The following SLC41A1 variants were observed in gnomAD, a reference collection of about 807,000 sequenced individuals.
SLC41A1 encodes solute carrier family 41 member 1, also known as solute carrier family 41 (magnesium transporter), member 1.
Under a neutral mutation model 47.3 loss-of-function variants are expected in SLC41A1, and 20 were observed. The ratio of observed to expected loss-of-function variants is 0.42; its 90% CI spans 0.30 to 0.61. The LOEUF is 0.61. SLC41A1 is among the 20% of genes least tolerant of loss of function. The pLI is 0.17. For missense variants in SLC41A1, 504 were observed against 674.1 expected, an observed-to-expected ratio of 0.75 and a Z score of 2.79; for synonymous variants, 282 against 272.7, an observed-to-expected ratio of 1.03 and a Z score of -0.34.
rs373342658 is a variant in SLC41A1 at position 205,791,520 on chromosome 1, T to G, written c.*13A>C. On this transcript the variant is annotated 3_prime_UTR_variant, in exon 11 of 11. Coordinates refer to ENST00000367137, the MANE Select transcript of SLC41A1 (RefSeq NM_173854.6). This position sits in a 1 kb window ranked among gnomAD's most constrained non-coding sequence, Gnocchi z 4.0. The stretch of plus-strand genomic sequence containing the variant: ...AAAGTGCAGAGGGATGGGGAAAATG[T>G]TGAGTGACCAAGCTAGTCCCCGACA... 3.1e-6 allele frequency: 5 copies of G among 1,613,902 alleles called. No homozygotes were observed. Among genetic ancestry groups the G allele is most frequent in the African/African-American group, 2.7e-5 (2 of 74,878 alleles).
chr1:205,811,892 T>C (rs962489124), intron 1 of SLC41A1, among the ~76,000 whole-genome samples: 7 of 152,232 alleles, frequency 4.6e-5, no homozygotes, highest in Admixed American at 1.3e-4. Flanking sequence ...CATAAAACGA[T>C]TGCTTATTAC....
chr1:205,807,532 C>T (rs1656042217), intron 2 of SLC41A1, among the ~76,000 whole-genome samples: 1 of 152,102 alleles, frequency 6.6e-6, no homozygotes, highest in East Asian at 1.9e-4. Context: ...GGGGTCCCTC[C>T]CTACCCCATC....
rs1002620330 is a variant in SLC41A1, at chr1:205,802,734, T to C, written c.373-1674A>G. Among the ~76,000 whole-genome samples the C allele has an allele frequency of 2.7e-5, 4 of 147,860 alleles. No individual in the cohort carries two copies. In the East Asian group the frequency reaches 8.0e-4, roughly 29 times the overall value. ...ACTCTGTCTCAAAAATAAAATAAAA[T>C]AAAATAAAATAAAATAAAATAAAAT... On this transcript the variant is annotated intron_variant, in intron 2 of 10. Transcript: ENST00000367137.
At chr1:205,800,612 C>G (rs1163423021) in intron 3 of SLC41A1, among the ~76,000 whole-genome samples, 1 of 152,122 alleles carries the variant, frequency 6.6e-6, no homozygotes, top group Admixed American at 6.5e-5. Flanking sequence ...AGGAGGCCCC[C>G]ATCTGTGCGG....
intron 2 of SLC41A1, among the ~76,000 whole-genome samples, chr1:205,802,796 T>C (rs1038096181): frequency 6.9e-6 from 1 of 145,334 alleles, no homozygotes; most frequent in African/African-American, 2.7e-5. Flanking sequence ...AGCAATACTG[T>C]AGATTAGTAA....
At chr1:205,809,598 CCCTCT>C (rs1354910512) in intron 2 of SLC41A1, among the ~76,000 whole-genome samples, 4 of 152,176 alleles carry the variant, frequency 2.6e-5, no homozygotes, top group Non-Finnish European at 5.9e-5. Context: ...TAATTTGAGA[CCCTCT>C]TGGCAGCTGA....
At chr1:205,802,390 C>G (rs2102506598) in intron 2 of SLC41A1, among the ~76,000 whole-genome samples, 1 of 152,252 alleles carries the variant, frequency 6.6e-6, no homozygotes, top group East Asian at 1.9e-4. Flanking sequence ...GATGGTCTTT[C>G]AAGGCAATTC....
intron 1 of SLC41A1, among the ~76,000 whole-genome samples, chr1:205,811,845 T>C (rs1656163729): frequency 6.6e-6 from 1 of 152,182 alleles, no homozygotes; most frequent in African/African-American, 2.4e-5. Flanking sequence ...GCTTGTCAGA[T>C]AGGACAAGGG....
At position 205,791,529 on chromosome 1, in the gene SLC41A1, C is replaced by T; in HGVS notation, c.*4G>A. The T allele has an allele frequency of 1.2e-6, 2 of 1,613,916 alleles. No individual in the cohort carries two copies. Among genetic ancestry groups the T allele is most frequent in the Non-Finnish European group, 1.7e-6 (2 of 1,179,954 alleles). ...AGGGATGGGGAAAATGTTGAGTGACCAAGCTAGTCCCCGACATCCGTGTCT... is the reference window on the plus strand; with the variant it reads ...AGGGATGGGGAAAATGTTGAGTGACTAAGCTAGTCCCCGACATCCGTGTCT... On this transcript the variant is annotated 3_prime_UTR_variant, in exon 11 of 11. Transcript: ENST00000367137. The surrounding 1 kb of genome is among the most constrained non-coding windows in gnomAD (Gnocchi z 4.0).
rs1655864804 is a variant in SLC41A1 at position 205,800,971 on chromosome 1, T to G, written c.462A>C (p.Ala154=). Reference sequence around the variant, plus strand: ...TACTCACTGCAGTGGAAAGCCTTGATGCCAGGGTCATTTCCAGGTTCCCTT... The same window carrying G: ...TACTCACTGCAGTGGAAAGCCTTGAGGCCAGGGTCATTTCCAGGTTCCCTT... ...GLKGNLEMTL[A]SRLSTAANIG... Residue 154 remains alanine, a synonymous_variant, in exon 3 of 11, where the codon GCA becomes GCC. Transcript: ENST00000367137. The G allele has an allele frequency of 1.2e-6, 2 of 1,614,144 alleles. No homozygotes were observed. The highest frequency in any genetic ancestry group is 2.7e-5 in the African/African-American group (2 of 75,040).
At position 205,802,431 on chromosome 1, in the gene SLC41A1, C is replaced by T. The variant is rs369335272; in HGVS notation, c.373-1371G>A. Among the ~76,000 whole-genome samples the T allele has an allele frequency of 2.4e-4, 36 of 152,254 alleles. 1 individual carries two copies. In the East Asian group the frequency reaches 5.0e-3, roughly 21 times the overall value. ...CCCACACTCTGTCGTTAAAGATGAGCAGTGGCCGAGCGCAGCGGCTCACAC... is the reference window on the plus strand; with the variant it reads ...CCCACACTCTGTCGTTAAAGATGAGTAGTGGCCGAGCGCAGCGGCTCACAC... On this transcript the variant is annotated intron_variant, in intron 2 of 10. Coordinates refer to ENST00000367137, the MANE Select transcript of SLC41A1 (RefSeq NM_173854.6).
intron 8 of SLC41A1, chr1:205,795,726 A>C: frequency 3.4e-6 from 2 of 582,420 alleles, no homozygotes; most frequent in South Asian, 3.9e-5. Context: ...GAGATGCAGC[A>C]GTTCCATGTT....
rs969165687 is a variant in SLC41A1 at position 205,805,933 on chromosome 1, A to G, written c.372+4137T>C. The stretch of plus-strand genomic sequence containing the variant: ...AGCAGCAGGGAAGAAAGTCAGAGCC[A>G]GGAATCAAGACATTAAGAAGACTTA... On this transcript the variant is annotated intron_variant, in intron 2 of 10. Coordinates refer to ENST00000367137, the MANE Select transcript of SLC41A1 (RefSeq NM_173854.6). Among the ~76,000 whole-genome samples, 3 of 152,244 alleles carry G rather than the reference A, an allele frequency of 2.0e-5. 1 individual carries two copies. The highest frequency in any genetic ancestry group is 4.4e-5 in the Non-Finnish European group (3 of 68,040).
intron 2 of SLC41A1, among the ~76,000 whole-genome samples, chr1:205,804,392 G>A (rs1353390974): frequency 6.6e-6 from 1 of 152,122 alleles, no homozygotes; most frequent in African/African-American, 2.4e-5. Flanking sequence ...AAGCCCCACC[G>A]TAGGGACTAA....
chr1:205,810,579 A>G lies in SLC41A1; in HGVS notation c.-138T>C, dbSNP rs1490603706. ...GCAGGACCTCTTCCCACGGCTCTCC[A>G]CTCCTACCAGGCACTGCAAAAACTG... On this transcript the variant is annotated 5_prime_UTR_variant, in exon 2 of 11. Transcript: ENST00000367137. The surrounding 1 kb of genome is among the most constrained non-coding windows in gnomAD (Gnocchi z 5.5). The G allele has an allele frequency of 2.2e-6, 3 of 1,342,710 alleles. No homozygotes were observed. The highest frequency in any genetic ancestry group is 2.9e-5 in the African/African-American group (2 of 69,492). 83.2% of individuals were successfully genotyped at this position (1,342,710 alleles called of 1,614,324 possible).
Position 205,813,027 on chromosome 1 carries a change from TCCACG to T in SLC41A1, c.-871_-867del, listed in dbSNP as rs1398427832. Reference sequence around the variant, plus strand: ...GTTACAGCGAGGCCGCCGCTCCGCTTCCACGCGGGGGAGGTGGCCGGGGAGGGCAG... The same window carrying T: ...GTTACAGCGAGGCCGCCGCTCCGCTTCGGGGGAGGTGGCCGGGGAGGGCAG... On this transcript the variant is annotated 5_prime_UTR_variant, in exon 1 of 11. Coordinates refer to ENST00000367137, the MANE Select transcript of SLC41A1 (RefSeq NM_173854.6). 2.0e-6 allele frequency: 2 copies of T among 985,382 alleles called. No homozygotes were observed. The highest frequency in any genetic ancestry group is 2.4e-6 in the Non-Finnish European group (2 of 829,996). 61.0% of individuals were successfully genotyped at this position (985,382 alleles called of 1,614,324 possible). A position where few individuals can be genotyped will look rare whatever the true frequency, so the allele number is the denominator to read the frequency against.
At chr1:205,812,615 A>C in intron 1 of SLC41A1, 193 bp downstream of exon 1, 1 of 317,956 alleles carries the variant, frequency 3.1e-6, no homozygotes. Flanking sequence ...AAAGTGAACC[A>C]GGACGCCCTA....
rs555578559 is a variant in SLC41A1, at chr1:205,803,970, G to A, written c.373-2910C>T. Among the ~76,000 whole-genome samples the A allele has an allele frequency of 3.9e-5, 6 of 152,256 alleles. 1 individual carries two copies. In the South Asian group the frequency reaches 6.2e-4, roughly 16 times the overall value. On this transcript the variant is annotated intron_variant, in intron 2 of 10. Transcript: ENST00000367137. ...GAAAGAAGAATGGTGGAAGCAAGGC[G>A]CTGGGGGAGCAGGGAAAAGAGTGAG...
intron 3 of SLC41A1, 124 bp downstream of exon 3, chr1:205,800,829 C>A: frequency 3.3e-6 from 3 of 900,816 alleles, no homozygotes; most frequent in Non-Finnish European, 3.5e-6. Context: ...GCCCTCCCTT[C>A]CCACCCCAGC....
Sources: gnomAD v4.1 joint callset for allele counts (sites outside exome capture counted in the v4.1 genomes callset) on GRCh38, gnomAD v4.1.1 for gene constraint, Gnocchi (gnomAD v3.1) non-coding constraint, MANE v1.5 for transcripts, NCBI Gene and HGNC (gene_info 2026-07-23, HGNC 2026-07-21) for gene names.